Variants in PTK2 observed in about 807,000 individuals in gnomAD.
PTK2 encodes focal adhesion kinase 1.
In PTK2, 45 loss-of-function variants were observed where a neutral mutation model predicts 150.1. The observed-to-expected ratio is 0.30, with a 90% CI of 0.24 to 0.38. The LOEUF (loss-of-function observed/expected upper bound fraction) is 0.38. Ranked by LOEUF, PTK2 falls within the 10% of genes least tolerant of loss-of-function variation. The probability of loss-of-function intolerance (pLI) is 1.00; values close to 1 mark genes in which losing one functional copy is unlikely to be tolerated. For missense variants in PTK2, 919 were observed against 1,307.3 expected, an observed-to-expected ratio of 0.70 and a Z score of 4.58; for synonymous variants, 432 against 449.2, an observed-to-expected ratio of 0.96 and a Z score of 0.48.
At chr8:140,695,504 G>C (rs578161737) in intron 26 of PTK2, among the ~76,000 whole-genome samples, 66 of 151,700 alleles carry the variant, frequency 4.4e-4, no homozygotes, top group African/African-American at 1.6e-3. Flanking sequence ...TCTGCCTCTT[G>C]GGTTCAAGCA....
chr8:140,694,622 G>A (rs182955893), intron 26 of PTK2, among the ~76,000 whole-genome samples: 138 of 152,226 alleles, frequency 9.1e-4, no homozygotes, highest in African/African-American at 3.1e-3. Context: ...TAGGTGCAGC[G>A]GCCTGGCCTG....
At chr8:140,858,039 G>A (rs2100133798) in intron 5 of PTK2, among the ~76,000 whole-genome samples, 1 of 152,130 alleles carries the variant, frequency 6.6e-6, no homozygotes, top group Admixed American at 6.5e-5. Flanking sequence ...TTAATAAAAG[G>A]CAGATAGATT....
chr8:140,669,672 G>C, intron 29 of PTK2, 55 bp downstream of exon 33: 1 of 1,516,702 alleles, frequency 6.6e-7, no homozygotes, highest in East Asian at 2.5e-5. Context: ...TACATGCAGA[G>C]AGCCGGGTGT....
At chr8:140,734,758 G>A (rs756010276) in intron 22 of PTK2, 3 of 518,192 alleles carry the variant, frequency 5.8e-6, no homozygotes, top group South Asian at 1.4e-5. Flanking sequence ...AAGCCTTCCT[G>A]AAGCAGGTAA....
At chr8:140,869,501 A>G (rs962900423) in intron 4 of PTK2, among the ~76,000 whole-genome samples, 4 of 152,168 alleles carry the variant, frequency 2.6e-5, no homozygotes, top group African/African-American at 9.7e-5. Context: ...CCTTAACAGC[A>G]TCATAAAGCC....
At chr8:140,992,308 A>C (rs1267636344) in intron 1 of PTK2, among the ~76,000 whole-genome samples, 1 of 151,680 alleles carries the variant, frequency 6.6e-6, no homozygotes, top group East Asian at 1.9e-4. Flanking sequence ...AAAAAAAAAA[A>C]AAAATACAAA....
intron 2 of PTK2, among the ~76,000 whole-genome samples, chr8:140,901,188 C>T (rs1341184999): frequency 2.6e-5 from 4 of 151,922 alleles, no homozygotes; most frequent in Non-Finnish European, 5.9e-5. Flanking sequence ...TACCTGGTGC[C>T]GAGAAAACTG....
intron 1 of PTK2, among the ~76,000 whole-genome samples, chr8:140,959,400 A>T (rs4961306): frequency 1.3e-5 from 2 of 151,072 alleles, no homozygotes; most frequent in Admixed American, 6.6e-5. Flanking sequence ...TTAGCCACGC[A>T]TGGTGGCGGG....
At chr8:140,774,685 C>T (rs2100077422) in intron 14 of PTK2, among the ~76,000 whole-genome samples, 1 of 152,184 alleles carries the variant, frequency 6.6e-6, no homozygotes, top group Non-Finnish European at 1.5e-5. Flanking sequence ...ATAATAAAGA[C>T]CTTGCTGATA....
At chr8:140,995,671 T>A (rs1476062950) in intron 1 of PTK2, among the ~76,000 whole-genome samples, 1 of 151,586 alleles carries the variant, frequency 6.6e-6, no homozygotes, top group South Asian at 2.1e-4. Flanking sequence ...TAGCTGGCCA[T>A]GGTGGTGCAT....
intron 2 of PTK2, among the ~76,000 whole-genome samples, chr8:140,913,128 AG>A (rs1487592250): frequency 6.6e-6 from 1 of 152,162 alleles, no homozygotes; most frequent in African/African-American, 2.4e-5. Flanking sequence ...GAAGATATAA[AG>A]GTCAGAAAAG....
intron 3 of PTK2, among the ~76,000 whole-genome samples, chr8:140,884,321 C>T (rs774970504): frequency 2.0e-5 from 3 of 152,014 alleles, no homozygotes; most frequent in Non-Finnish European, 4.4e-5. Context: ...GGCTTTTATG[C>T]TTTTTCTTAA....
chr8:140,776,788 ATCTGAGAG>A (rs1397234089), intron 14 of PTK2, among the ~76,000 whole-genome samples: 1 of 152,186 alleles, frequency 6.6e-6, no homozygotes, highest in Admixed American at 6.5e-5. Flanking sequence ...TAAGATAACA[ATCTGAGAG>A]TCAGCAGCAT....
At chr8:140,793,216 T>C (rs935980919) in intron 13 of PTK2, 138 bp downstream of exon 13, 2 of 962,024 alleles carry the variant, frequency 2.1e-6, no homozygotes, top group Admixed American at 3.1e-5. Flanking sequence ...TGACTTGATT[T>C]CTTTCTAGAA....
intron 3 of PTK2, 55 bp from the exon 4 acceptor site, chr8:140,879,692 A>AAC: frequency 7.9e-6 from 10 of 1,270,132 alleles, no homozygotes; most frequent in Non-Finnish European, 1.0e-5. Flanking sequence ...AAAAAAAAAA[A>AAC]AAAAAAAAAC....
intron 2 of PTK2, among the ~76,000 whole-genome samples, chr8:140,908,395 A>G (rs774477937): frequency 2.6e-5 from 4 of 152,250 alleles, no homozygotes; most frequent in Non-Finnish European, 5.9e-5. Flanking sequence ...GAGAAGCTGC[A>G]CCAAGTTGTC....
Position 140,735,470 on chromosome 8 carries a change from T to C in PTK2, c.1826-15A>G. ...CATACACACACCTGTCAAGTGGGAATGAAAACACAACAGTGAGCTCAGTAT... is the reference window on the plus strand; with the variant it reads ...CATACACACACCTGTCAAGTGGGAACGAAAACACAACAGTGAGCTCAGTAT... On this transcript the variant is annotated splice_polypyrimidine_tract_variant and intron_variant, in intron 21 of 31. Coordinates refer to ENST00000522684, the Ensembl canonical transcript of PTK2. 2 of 1,612,118 alleles carry C rather than the reference T, an allele frequency of 1.2e-6. No homozygotes were observed. Among genetic ancestry groups the C allele is most frequent in the South Asian group, 1.1e-5 (1 of 91,022 alleles).
chr8:140,988,549 A>C (rs1023047820), intron 1 of PTK2, among the ~76,000 whole-genome samples: 2 of 152,070 alleles, frequency 1.3e-5, no homozygotes, highest in Non-Finnish European at 2.9e-5. Context: ...CTAACACAGT[A>C]AAACTCCATC....
In PTK2 at chr8:140,801,717, T is replaced by G. The variant is rs867317655; in HGVS notation, c.976-1141A>C. 3.3e-5 allele frequency among the ~76,000 whole-genome samples: 5 copies of G among 152,278 alleles called. No homozygotes were observed. In the South Asian group the frequency reaches 8.3e-4, roughly 25 times the overall value. On this transcript the variant is annotated intron_variant, in intron 11 of 31. Coordinates refer to ENST00000522684, the Ensembl canonical transcript of PTK2. The stretch of plus-strand genomic sequence containing the variant: ...TATAATAATAACTATTATAATCACA[T>G]AATAATTTCTACCCAGAGAATATCA...
Sources: allele counts gnomAD v4.1 joint callset (sites outside exome capture counted in the v4.1 genomes callset), GRCh38; gene constraint gnomAD v4.1.1; transcripts MANE v1.5; gene names NCBI Gene and HGNC (gene_info 2026-07-23, HGNC 2026-07-21).